Variants in MSRA observed in about 807,000 individuals in gnomAD.
The protein encoded by MSRA is methionine sulfoxide reductase A, also known as mitochondrial peptide methionine sulfoxide reductase.
A neutral mutation model predicts 31.3 loss-of-function variants in MSRA; 54 were observed. That is an observed-to-expected ratio of 1.73 (90% confidence interval 1.39 to 2.17). The LOEUF (loss-of-function observed/expected upper bound fraction) is 2.17. Among genes scored for constraint, MSRA ranks in the 30% most tolerant of loss-of-function variants. MSRA has a pLI of 0.00. For synonymous variants in MSRA, 169 were observed against 116.5 expected, an observed-to-expected ratio of 1.45 and a Z score of -2.90; for missense variants, 507 against 300.9, an observed-to-expected ratio of 1.69 and a Z score of -5.07.
chr8:10,319,878 C>A lies in MSRA; in HGVS notation c.437-5C>A, dbSNP rs1801942925. Reference sequence around the variant, plus strand: ...GGTAACCCTCCCTGTTTTCTGCTTTCCTAGGTATGCGCCAGGGGAACGACC... The same window carrying A: ...GGTAACCCTCCCTGTTTTCTGCTTTACTAGGTATGCGCCAGGGGAACGACC... On this transcript the variant is annotated splice_polypyrimidine_tract_variant and splice_region_variant and intron_variant, in intron 4 of 5. Transcript: ENST00000317173. The A allele has an allele frequency of 6.6e-7, 1 of 1,517,208 alleles. No homozygotes were observed. Among genetic ancestry groups the A allele is most frequent in the Non-Finnish European group, 8.9e-7 (1 of 1,127,766 alleles). 94.0% of individuals were successfully genotyped at this position (1,517,208 alleles called of 1,614,324 possible).
At chr8:10,303,615 CCTGA>C (rs1410681976) in intron 4 of MSRA, among the ~76,000 whole-genome samples, 2 of 152,182 alleles carry the variant, frequency 1.3e-5, no homozygotes, top group Non-Finnish European at 2.9e-5. Context: ...CCAGGGCAAC[CCTGA>C]CTGCCCCAGG....
At chr8:10,172,498 G>T (rs1293523132) in intron 1 of MSRA, among the ~76,000 whole-genome samples, 4 of 152,178 alleles carry the variant, frequency 2.6e-5, no homozygotes, top group Non-Finnish European at 5.9e-5. Context: ...TGGAACTCTG[G>T]CTGATGGCAG....
intron 5 of MSRA, chr8:10,337,777 G>C (rs1054206360): frequency 1.4e-6 from 1 of 702,412 alleles, no homozygotes; most frequent in Non-Finnish European, 2.6e-6. Flanking sequence ...AACTCGCCTG[G>C]GTGCAGCCAT....
intron 5 of MSRA, 40 bp from the exon 6 acceptor site, chr8:10,428,108 C>G (rs370489264): frequency 5.0e-6 from 8 of 1,592,908 alleles, no homozygotes; most frequent in South Asian, 1.1e-5. Context: ...TGCTGTCTCT[C>G]TAGCATGGGA....
At chr8:10,411,909 C>T (rs4382479) in intron 5 of MSRA, among the ~76,000 whole-genome samples, 20,746 of 152,232 alleles carry the variant, frequency 0.14, 2,312 homozygotes, top group East Asian at 0.45. Flanking sequence ...CAGCCCTGTT[C>T]TGTGGACACC....
chr8:10,070,839 C>T (rs1489609784), intron 1 of MSRA, among the ~76,000 whole-genome samples: 1 of 152,188 alleles, frequency 6.6e-6, no homozygotes, highest in Non-Finnish European at 1.5e-5. Flanking sequence ...GTGCTTTGTT[C>T]TTTTTCATTA....
chr8:10,090,838 C>T (rs1798816147), intron 1 of MSRA, among the ~76,000 whole-genome samples: 1 of 152,122 alleles, frequency 6.6e-6, no homozygotes, highest in African/African-American at 2.4e-5. Context: ...TTTCAAAGGC[C>T]CATCCATGCC....
At chr8:10,246,814 G>T (rs551689336) in intron 3 of MSRA, among the ~76,000 whole-genome samples, 1 of 152,176 alleles carries the variant, frequency 6.6e-6, no homozygotes, top group African/African-American at 2.4e-5. Context: ...TATTTTAATG[G>T]TTATCCTATT....
At chr8:10,360,959 A>G (rs1044311322) in intron 5 of MSRA, among the ~76,000 whole-genome samples, 4 of 152,210 alleles carry the variant, frequency 2.6e-5, no homozygotes, top group Admixed American at 2.0e-4. Flanking sequence ...AAAGGGATTT[A>G]TACAGCAGTC....
At chr8:10,167,920 A>G (rs1391645311) in intron 1 of MSRA, among the ~76,000 whole-genome samples, 2 of 152,168 alleles carry the variant, frequency 1.3e-5, no homozygotes, top group South Asian at 2.1e-4. Context: ...ATTTAAGAAA[A>G]TGGACCGCGG....
chr8:10,189,127 A>G (rs773799213), intron 1 of MSRA, among the ~76,000 whole-genome samples: 2 of 152,188 alleles, frequency 1.3e-5, no homozygotes, highest in Non-Finnish European at 2.9e-5. Flanking sequence ...TGTTGTTATT[A>G]TGTAAAGTAC....
At chr8:10,308,447 C>T (rs1801258334) in intron 4 of MSRA, among the ~76,000 whole-genome samples, 1 of 152,208 alleles carries the variant, frequency 6.6e-6, no homozygotes, top group South Asian at 2.1e-4. Flanking sequence ...GTAGGTCCTC[C>T]AGTAGTCTAC....
intron 5 of MSRA, among the ~76,000 whole-genome samples, chr8:10,380,937 T>A (rs74753371): frequency 0.025 from 3,402 of 136,382 alleles, 126 homozygotes; most frequent in African/African-American, 0.09. Context: ...GGATGGGTGG[T>A]GGGAGGGAGG....
At position 10,146,529 on chromosome 8, in the gene MSRA, G is replaced by A. The variant is rs144366036; in HGVS notation, c.143-61304G>A. ...CTGAGGGCCGAGGGCTGGGGGTTTC[G>A]AGGAAACTAGGAGTGGCTGGATGCA... is the stretch of plus-strand genomic sequence containing the variant. On this transcript the variant is annotated intron_variant, in intron 1 of 5. Coordinates refer to ENST00000317173, the MANE Select transcript of MSRA (RefSeq NM_012331.5). 6.8e-3 allele frequency among the ~76,000 whole-genome samples: 1,042 copies of A among 152,216 alleles called. 6 individuals carry two copies. Among genetic ancestry groups the A allele is most frequent in the African/African-American group, 0.024 (976 of 41,528 alleles).
intron 3 of MSRA, chr8:10,250,282 A>T: frequency 1.7e-6 from 1 of 600,320 alleles, no homozygotes; most frequent in Non-Finnish European, 3.0e-6. Context: ...TACAGATGAA[A>T]ATATGAAAAG....
chr8:10,057,417 G>A (rs572090161), intron 1 of MSRA, among the ~76,000 whole-genome samples: 3 of 152,306 alleles, frequency 2.0e-5, no homozygotes, highest in Admixed American at 2.0e-4. Flanking sequence ...ATAGGCTGCA[G>A]GTAGAAGGCT....
intron 1 of MSRA, among the ~76,000 whole-genome samples, chr8:10,063,000 A>T (rs1331700308): frequency 6.6e-6 from 1 of 152,016 alleles, no homozygotes. Flanking sequence ...GCTTCCAACC[A>T]CCCTCGTCTG....
At chr8:10,212,466 T>C (rs1175774031) in intron 2 of MSRA, among the ~76,000 whole-genome samples, 3 of 152,046 alleles carry the variant, frequency 2.0e-5, no homozygotes, top group Admixed American at 1.3e-4. Flanking sequence ...ATGGAAAAAA[T>C]TGCAATGACA....
intron 3 of MSRA, 85 bp from the exon 4 acceptor site, chr8:10,301,449 G>A (rs553082119): frequency 2.0e-6 from 2 of 1,011,588 alleles, no homozygotes; most frequent in African/African-American, 1.6e-5. Context: ...TTCAGCTTTT[G>A]TCTGTTGTTT....
Sources: gnomAD v4.1 joint callset for allele counts (sites outside exome capture counted in the v4.1 genomes callset) on GRCh38, gnomAD v4.1.1 for gene constraint, MANE v1.5 for transcripts, NCBI Gene and HGNC (gene_info 2026-07-23, HGNC 2026-07-21) for gene names.